The following CACNA1B variants were observed in gnomAD, a reference collection of about 807,000 sequenced individuals.
CACNA1B encodes the protein calcium voltage-gated channel subunit alpha1 B.
A neutral mutation model predicts 247.2 loss-of-function variants in CACNA1B; 70 were observed. That is an observed-to-expected ratio of 0.28 (90% CI 0.23 to 0.35). The LOEUF (loss-of-function observed/expected upper bound fraction) is 0.35, where lower values mean the gene tolerates loss of function less well. Among genes scored for constraint, CACNA1B ranks in the 10% least tolerant of loss-of-function variants. The probability of loss-of-function intolerance (pLI) is 1.00; values close to 1 mark genes in which losing one functional copy is unlikely to be tolerated. For missense variants in CACNA1B, 2,367 were observed against 3,197.4 expected (o/e 0.74, Z 6.26); for synonymous variants, 1,231 against 1,294.4 (o/e 0.95, Z 1.05).
At chr9:138,034,543 T>C (rs1429526623) in intron 20 of CACNA1B, among the ~76,000 whole-genome samples, 1 of 151,802 alleles carries the variant, frequency 6.6e-6, no homozygotes, top group Non-Finnish European at 1.5e-5. Flanking sequence ...GCCCCTTTCC[T>C]AGTCCTTTCA....
intron 12 of CACNA1B, among the ~76,000 whole-genome samples, chr9:137,981,923 T>C (rs529941700): frequency 6.6e-6 from 1 of 152,216 alleles, no homozygotes; most frequent in Admixed American, 6.5e-5. Context: ...ATGTCCAAAA[T>C]TCTATGAACT....
chr9:138,073,671 C>G lies in CACNA1B; in HGVS notation c.4791+67C>G, dbSNP rs1466267890. 6.5e-6 allele frequency: 6 copies of G among 916,150 alleles called. No homozygotes were observed. Among genetic ancestry groups the G allele is most frequent in the East Asian group, 2.4e-5 (1 of 41,508 alleles). The allele number at this position is 916,150 out of a possible 1,614,324, so 56.8% of individuals were successfully genotyped here. Reference sequence around the variant, plus strand: ...TCCGTCTTGCTTCCCCTGCCCCCACCACAGTGGCCCCTCCTTTGGGAGGCT... The same window carrying G: ...TCCGTCTTGCTTCCCCTGCCCCCACGACAGTGGCCCCTCCTTTGGGAGGCT... On this transcript the variant is annotated intron_variant, in intron 33 of 46. Coordinates refer to ENST00000371372, the MANE Select transcript of CACNA1B (RefSeq NM_000718.4). This position sits in a 1 kb window ranked among gnomAD's most constrained non-coding sequence, Gnocchi z 6.4.
Position 138,014,817 on chromosome 9 carries a change from C to T in CACNA1B, c.2267+1582C>T, listed in dbSNP as rs1342652129. On this transcript the variant is annotated intron_variant, in intron 18 of 46. Transcript: ENST00000371372. The surrounding 1 kb of genome is among the most constrained non-coding windows in gnomAD (Gnocchi z 6.2). ...TGGGGGTATGGGAGGGTGTCCACTC[C>T]CATCTGGCCTGAGACCTTGCAGAAG... 1.3e-5 allele frequency among the ~76,000 whole-genome samples: 2 copies of T among 151,960 alleles called. 1 individual carries two copies. The highest frequency in any genetic ancestry group is 1.3e-4 in the Admixed American group (2 of 15,260).
chr9:138,103,052 C>A (rs977161008), intron 38 of CACNA1B, among the ~76,000 whole-genome samples: 1 of 152,092 alleles, frequency 6.6e-6, no homozygotes, highest in Non-Finnish European at 1.5e-5. Flanking sequence ...TGAGCTGCCC[C>A]CTTTGAGAGC....
intron 44 of CACNA1B, among the ~76,000 whole-genome samples, chr9:138,119,238 G>T (rs1254467604): frequency 6.6e-6 from 1 of 152,110 alleles, no homozygotes; most frequent in African/African-American, 2.4e-5. Context: ...TTTCTACCCA[G>T]CTCCTTGCTG....
chr9:138,079,100 C>T (rs902031086), intron 36 of CACNA1B, among the ~76,000 whole-genome samples: 9 of 152,178 alleles, frequency 5.9e-5, no homozygotes, highest in Non-Finnish European at 1.0e-4. Context: ...CAGTGACCTG[C>T]GTCCAAAGCA....
intron 44 of CACNA1B, among the ~76,000 whole-genome samples, chr9:138,119,426 G>A (rs1388486367): frequency 1.3e-5 from 2 of 152,086 alleles, no homozygotes; most frequent in East Asian, 3.9e-4. Context: ...GGCCTCACCT[G>A]CAACATGAGC....
In CACNA1B at chr9:138,054,346, G is replaced by C. The variant is rs1564261982; in HGVS notation, c.3968+340G>C. On this transcript the variant is annotated intron_variant, in intron 26 of 46. Transcript: ENST00000371372. This position sits in a 1 kb window ranked among gnomAD's most constrained non-coding sequence, Gnocchi z 4.6. ...CTCTAAGCCCTAGAGATCTTGGCTGGGCTGTAAGGTCAGAGGGGCTGCCCG... is the reference window on the plus strand; with the variant it reads ...CTCTAAGCCCTAGAGATCTTGGCTGCGCTGTAAGGTCAGAGGGGCTGCCCG... 6.6e-6 allele frequency among the ~76,000 whole-genome samples: 1 copy of C among 152,228 alleles called. No individual in the cohort carries two copies. Among genetic ancestry groups the C allele is most frequent in the Non-Finnish European group, 1.5e-5 (1 of 68,050 alleles).
At chr9:137,949,342 A>AGT (rs370983302) in intron 6 of CACNA1B, among the ~76,000 whole-genome samples, 1 of 4,740 alleles carries the variant, frequency 2.1e-4, no homozygotes, top group African/African-American at 7.8e-4. Context: ...GTAGGTGTGT[A>AGT]GTGTGTGTGT....
Position 137,917,089 on chromosome 9 carries a change from G to A in CACNA1B, c.776-152G>A, listed in dbSNP as rs921096663. 6.6e-6 allele frequency among the ~76,000 whole-genome samples: 1 copy of A among 152,126 alleles called. No homozygotes were observed. The highest frequency in any genetic ancestry group is 6.5e-5 in the Admixed American group (1 of 15,282). Reference sequence around the variant, plus strand: ...AAGAGGCGATGCCTGATGCAGATTCGAGGAGGGATGGTGGGAAGTTGAGGG... The same window carrying A: ...AAGAGGCGATGCCTGATGCAGATTCAAGGAGGGATGGTGGGAAGTTGAGGG... On this transcript the variant is annotated intron_variant, in intron 5 of 46. Transcript: ENST00000371372. This position sits in a 1 kb window ranked among gnomAD's most constrained non-coding sequence, Gnocchi z 5.5.
Position 137,971,093 on chromosome 9 carries a change from C to G in CACNA1B, c.1334-290C>G, listed in dbSNP as rs898884100. 2.6e-5 allele frequency among the ~76,000 whole-genome samples: 4 copies of G among 152,034 alleles called. No individual in the cohort carries two copies. The highest frequency in any genetic ancestry group is 5.9e-5 in the Non-Finnish European group (4 of 67,990). On this transcript the variant is annotated intron_variant, in intron 10 of 46. Coordinates refer to ENST00000371372, the MANE Select transcript of CACNA1B (RefSeq NM_000718.4). The surrounding 1 kb of genome is among the most constrained non-coding windows in gnomAD (Gnocchi z 4.4). ...CTCATGGAGAGTGGCCTGGGGGCATCAGGGCTGTGCTCCTAGAAGGTGGCT... is the reference window on the plus strand; with the variant it reads ...CTCATGGAGAGTGGCCTGGGGGCATGAGGGCTGTGCTCCTAGAAGGTGGCT...
chr9:138,068,956 G>C (rs937243132), intron 31 of CACNA1B, among the ~76,000 whole-genome samples: 1 of 152,204 alleles, frequency 6.6e-6, no homozygotes, highest in African/African-American at 2.4e-5. Context: ...AGGCCGGGCT[G>C]TTTGTGGTCG....
chr9:138,042,229 C>T (rs2133468987), intron 20 of CACNA1B, among the ~76,000 whole-genome samples: 1 of 152,354 alleles, frequency 6.6e-6, no homozygotes, highest in South Asian at 2.1e-4. Flanking sequence ...AAGGGCGGAT[C>T]ATTTGAGGTC....
rs1012351645 is a variant in CACNA1B, at chr9:137,915,378, C to T, written c.775+572C>T. Reference sequence around the variant, plus strand: ...CAGCAGAGGTGATGGTGGCTGGGGCCAGGGTGTTGTGATAGAGGTGGTTAA... The same window carrying T: ...CAGCAGAGGTGATGGTGGCTGGGGCTAGGGTGTTGTGATAGAGGTGGTTAA... On this transcript the variant is annotated intron_variant, in intron 5 of 46. Transcript: ENST00000371372. Among the ~76,000 whole-genome samples, 37 of 152,104 alleles carry T rather than the reference C, an allele frequency of 2.4e-4. 1 individual carries two copies. Among genetic ancestry groups the T allele is most frequent in the African/African-American group, 7.7e-4 (32 of 41,408 alleles).
At position 138,073,448 on chromosome 9, in the gene CACNA1B, G is replaced by C. The variant is rs952384691; in HGVS notation, c.4675-40G>C. On this transcript the variant is annotated intron_variant, in intron 32 of 46. Coordinates refer to ENST00000371372, the MANE Select transcript of CACNA1B (RefSeq NM_000718.4). The surrounding 1 kb of genome is among the most constrained non-coding windows in gnomAD (Gnocchi z 6.4). Reference sequence around the variant, plus strand: ...TGGCAGCAGCTTGCCTGCGCTTTCGGGGCTTCTGAAGGTCAGAGAACAATT... The same window carrying C: ...TGGCAGCAGCTTGCCTGCGCTTTCGCGGCTTCTGAAGGTCAGAGAACAATT... 3 of 1,308,676 alleles carry C rather than the reference G, an allele frequency of 2.3e-6. No individual in the cohort carries two copies. In the African/African-American group the frequency reaches 4.4e-5, roughly 19 times the overall value. 81.1% of individuals were successfully genotyped at this position (1,308,676 alleles called of 1,614,324 possible).
intron 11 of CACNA1B, among the ~76,000 whole-genome samples, chr9:137,972,493 C>T (rs113616139): frequency 1.3e-5 from 2 of 152,086 alleles, no homozygotes; most frequent in African/African-American, 4.8e-5. Context: ...CAGAGAAGAG[C>T]TATCCCAGCT....
intron 40 of CACNA1B, 115 bp downstream of exon 40, chr9:138,112,620 T>G (rs1961681190): frequency 1.4e-6 from 1 of 695,414 alleles, no homozygotes. Flanking sequence ...CTTGGAGAGG[T>G]GGGCTCACCT....
chr9:137,985,444 G>A (rs1958345623), intron 13 of CACNA1B, among the ~76,000 whole-genome samples: 1 of 152,220 alleles, frequency 6.6e-6, no homozygotes, highest in African/African-American at 2.4e-5. Context: ...CTCCCAGGAA[G>A]TAGGTGACCC....
chr9:138,054,684 A>G lies in CACNA1B; in HGVS notation c.3968+678A>G, dbSNP rs1184021350. Reference sequence around the variant, plus strand: ...GAGCAGTAGCAGTTTGGGGAGGTGTATCTGTCTGGTAGTGGAATTGCCGGG... The same window carrying G: ...GAGCAGTAGCAGTTTGGGGAGGTGTGTCTGTCTGGTAGTGGAATTGCCGGG... On this transcript the variant is annotated intron_variant, in intron 26 of 46. Coordinates refer to ENST00000371372, the MANE Select transcript of CACNA1B (RefSeq NM_000718.4). The surrounding 1 kb of genome is among the most constrained non-coding windows in gnomAD (Gnocchi z 4.6). Among the ~76,000 whole-genome samples the G allele has an allele frequency of 1.3e-5, 2 of 152,186 alleles. No individual in the cohort carries two copies. The highest frequency in any genetic ancestry group is 2.1e-4 in the South Asian group (1 of 4,828).
Sources: gnomAD v4.1 joint callset for allele counts (sites outside exome capture counted in the v4.1 genomes callset) on GRCh38, gnomAD v4.1.1 for gene constraint, Gnocchi (gnomAD v3.1) non-coding constraint, MANE v1.5 for transcripts, NCBI Gene and HGNC (gene_info 2026-07-23, HGNC 2026-07-21) for gene names.